RNF126: variants seen among roughly 807,000 people sequenced by gnomAD.
RNF126 encodes the protein E3 ubiquitin-protein ligase RNF126.
In RNF126, 20 loss-of-function variants were observed where a neutral mutation model predicts 41.9. That is an observed-to-expected ratio of 0.48 (90% CI 0.34 to 0.69). RNF126 has a LOEUF of 0.69. Ranked by LOEUF, RNF126 falls within the 30% of genes least tolerant of loss-of-function variation. The pLI is 0.01. For synonymous variants in RNF126, 239 were observed against 202.9 expected, an observed-to-expected ratio of 1.18 and a Z score of -1.51; for missense variants, 433 against 460.6, an observed-to-expected ratio of 0.94 and a Z score of 0.55.
chr19:655,158 T>C lies in RNF126; in HGVS notation c.76-2274A>G, dbSNP rs527823171. Among the ~76,000 whole-genome samples the C allele has an allele frequency of 4.0e-5, 6 of 151,698 alleles. No homozygotes were observed. In the East Asian group the frequency reaches 1.2e-3, roughly 29 times the overall value. On this transcript the variant is annotated intron_variant, in intron 1 of 8. Transcript: ENST00000292363. ...AACCCCATTTCTACAAAAAACAAAT[T>C]AGCTGGGTATGCTGGGGTGGGTCTG...
In RNF126 at chr19:651,601, G is replaced by A. The variant is rs2144760170; in HGVS notation, c.443+10C>T. 1.4e-6 allele frequency: 2 copies of A among 1,408,542 alleles called. No homozygotes were observed. Among genetic ancestry groups the A allele is most frequent in the East Asian group, 2.8e-5 (1 of 35,856 alleles). The allele number at this position is 1,408,542 out of a possible 1,614,324, so 87.3% of individuals were successfully genotyped here. A position where few individuals can be genotyped will look rare whatever the true frequency, so the allele number is the denominator to read the frequency against. ...TGGGGCCCTCGCGGCCACCCCCGGG[G>A]CCCCCTCACCCTTCCAGCGTGGGGA... On this transcript the variant is annotated intron_variant, in intron 4 of 8. Coordinates refer to ENST00000292363, the MANE Select transcript of RNF126 (RefSeq NM_194460.3).
At chr19:649,465 G>A (rs553724542) in intron 6 of RNF126, 17 of 571,686 alleles carry the variant, frequency 3.0e-5, no homozygotes, top group South Asian at 1.5e-4. Flanking sequence ...ACAACGTTCC[G>A]CGTGAACACA....
chr19:651,409 C>T (rs1391207325), intron 4 of RNF126: 1 of 467,352 alleles, frequency 2.1e-6, no homozygotes, highest in African/African-American at 2.1e-5. Flanking sequence ...TGTGGTCAAC[C>T]CACACACCCT....
chr19:649,272 T>C (rs1227101234), intron 6 of RNF126: 1 of 286,790 alleles, frequency 3.5e-6, no homozygotes, highest in East Asian at 5.7e-5. Context: ...GGGGGGGCCG[T>C]GCTCCGGCTG....
Position 651,445 on chromosome 19 carries a change from G to GGGC in RNF126, c.443+163_443+165dup, listed in dbSNP as rs939722506. On this transcript the variant is annotated intron_variant, in intron 4 of 8. Transcript: ENST00000292363. ...GAACCGGCATACTTCTGTCTCCGAA[G>GGGC]GGCCGTGTGGGGAGTCACAGGGGGC... The GGGC allele has an allele frequency of 3.8e-5, 22 of 580,438 alleles. No individual in the cohort carries two copies. In the Admixed American group the frequency reaches 5.7e-4, roughly 15 times the overall value. The allele number at this position is 580,438 out of a possible 1,614,324, so 36.0% of individuals were successfully genotyped here.
intron 1 of RNF126, among the ~76,000 whole-genome samples, chr19:662,263 TCCC>T (rs2030837145): frequency 6.6e-6 from 1 of 151,924 alleles, no homozygotes; most frequent in Non-Finnish European, 1.5e-5. Flanking sequence ...TGCTCCCACC[TCCC>T]CCAAGGTGAC....
At chr19:649,964 C>T (rs1169545608) in intron 5 of RNF126, among the ~76,000 whole-genome samples, 1 of 145,992 alleles carries the variant, frequency 6.8e-6, no homozygotes. Context: ...TCACCAGGGA[C>T]CCTGGCTGGG....
chr19:648,829 C>T (rs556256084), intron 7 of RNF126, 53 bp downstream of exon 7: 288 of 1,064,128 alleles, frequency 2.7e-4, no homozygotes, highest in Middle Eastern at 1.2e-3. Flanking sequence ...ATGAGCCAGG[C>T]GTGGCGGCGG....
chr19:648,303 G>A, intron 8 of RNF126, 26 bp from the exon 9 acceptor site: 1 of 1,546,474 alleles, frequency 6.5e-7, no homozygotes, highest in South Asian at 1.2e-5. Flanking sequence ...GGCAGGGACG[G>A]GAGAAGGGGC....
chr19:655,253 C>G (rs1241335216), intron 1 of RNF126, among the ~76,000 whole-genome samples: 1 of 151,650 alleles, frequency 6.6e-6, no homozygotes, highest in Admixed American at 6.6e-5. Context: ...TGGCTTGAGT[C>G]CAGGAGATCG....
chr19:647,656 C>T lies in RNF126; in HGVS notation c.*472G>A, dbSNP rs539922156. 57 of 200,028 alleles carry T rather than the reference C, an allele frequency of 2.8e-4. No individual in the cohort carries two copies. The highest frequency in any genetic ancestry group is 1.1e-3 in the Admixed American group (21 of 18,660). 12.4% of individuals were successfully genotyped at this position (200,028 alleles called of 1,614,324 possible). On this transcript the variant is annotated 3_prime_UTR_variant, in exon 9 of 9. Transcript: ENST00000292363. Reference sequence around the variant, plus strand: ...CTCATGGTCCCGAGCCCCCCTACTCCGGGTCGTGGAGGCGGCCGAGGGGGA... The same window carrying T: ...CTCATGGTCCCGAGCCCCCCTACTCTGGGTCGTGGAGGCGGCCGAGGGGGA...
chr19:649,495 C>T (rs993428571), intron 6 of RNF126, 184 bp downstream of exon 6: 2 of 589,640 alleles, frequency 3.4e-6, no homozygotes, highest in African/African-American at 3.7e-5. Flanking sequence ...CCAAAGTTGC[C>T]AAGACTCAGA....
chr19:652,442 G>A (rs878986127), intron 2 of RNF126, 146 bp from the exon 3 acceptor site: 17 of 718,638 alleles, frequency 2.4e-5, no homozygotes, highest in South Asian at 7.0e-5. Flanking sequence ...ATTTGGTGCC[G>A]TAACCCGCTG....
rs903052968 is a variant in RNF126, at chr19:658,878, C to T, written c.75+4169G>A. Among the ~76,000 whole-genome samples the T allele has an allele frequency of 4.6e-5, 7 of 152,204 alleles. No homozygotes were observed. In the South Asian group the frequency reaches 8.3e-4, roughly 18 times the overall value. ...CCAGTGCCAGGGGTGCTACGGCTCG[C>T]CCGAGGCTCAGAGGAAGGTCCTCAT... On this transcript the variant is annotated intron_variant, in intron 1 of 8. Coordinates refer to ENST00000292363, the MANE Select transcript of RNF126 (RefSeq NM_194460.3).
chr19:650,125 C>A lies in RNF126; in HGVS notation c.506+109G>T, dbSNP rs1246677684. On this transcript the variant is annotated intron_variant, in intron 5 of 8. Coordinates refer to ENST00000292363, the MANE Select transcript of RNF126 (RefSeq NM_194460.3). ...GGCCCAGGCTGGGGATGGGGACAGGCACCCCCTCCTACTCACCAGGGACCC... is the reference window on the plus strand; with the variant it reads ...GGCCCAGGCTGGGGATGGGGACAGGAACCCCCTCCTACTCACCAGGGACCC... 4.5e-6 allele frequency: 4 copies of A among 891,504 alleles called. No homozygotes were observed. The African/African-American group carries it at 6.1e-5, about 14-fold the overall frequency. The allele number at this position is 891,504 out of a possible 1,614,324, so 55.2% of individuals were successfully genotyped here. A position where few individuals can be genotyped will look rare whatever the true frequency, so the allele number is the denominator to read the frequency against.
rs190938917 is a variant in RNF126 at position 652,353 on chromosome 19, C to T, written c.135-57G>A. On this transcript the variant is annotated intron_variant, in intron 2 of 8. Coordinates refer to ENST00000292363, the MANE Select transcript of RNF126 (RefSeq NM_194460.3). ...CTACCCTGTGCCCCCATGCGCCAGG[C>T]GCTCCCTCCCCTCAAAAGCCTATGT... is the stretch of plus-strand genomic sequence containing the variant. 5.2e-4 allele frequency: 724 copies of T among 1,403,338 alleles called. 4 individuals are homozygous for T. The highest frequency in any genetic ancestry group is 2.5e-3 in the Middle Eastern group (14 of 5,600). 86.9% of individuals were successfully genotyped at this position (1,403,338 alleles called of 1,614,324 possible).
chr19:660,680 AGT>A (rs1247274520), intron 1 of RNF126, among the ~76,000 whole-genome samples: 1 of 152,074 alleles, frequency 6.6e-6, no homozygotes, highest in African/African-American at 2.4e-5. Context: ...CCCAGGCTGG[AGT>A]GCACTGGCAC....
In RNF126 at chr19:655,327, A is replaced by G. The variant is rs112971888; in HGVS notation, c.76-2443T>C. Among the ~76,000 whole-genome samples, 171 of 149,568 alleles carry G rather than the reference A, an allele frequency of 1.1e-3. 1 individual carries two copies. The highest frequency in any genetic ancestry group is 3.9e-3 in the African/African-American group (160 of 40,932). ...TGGGTGACAGAACCAGACCCTGCCA[A>G]AAAAAAAAAGAAAAAGAGAAACAGA... On this transcript the variant is annotated intron_variant, in intron 1 of 8. Coordinates refer to ENST00000292363, the MANE Select transcript of RNF126 (RefSeq NM_194460.3).
In RNF126 at chr19:648,012, G is replaced by A. The variant is rs1257917697; in HGVS notation, c.*116C>T. ...TCCTGCCCTGGAACAGGCGGGACCT[G>A]CAGCGCTGACCAGCCAAGCGTGGCG... is the stretch of plus-strand genomic sequence containing the variant. On this transcript the variant is annotated 3_prime_UTR_variant, in exon 9 of 9. Coordinates refer to ENST00000292363, the MANE Select transcript of RNF126 (RefSeq NM_194460.3). The A allele has an allele frequency of 1.6e-6, 2 of 1,250,790 alleles. No homozygotes were observed. The highest frequency in any genetic ancestry group is 1.6e-5 in the South Asian group (1 of 64,468). 77.5% of individuals were successfully genotyped at this position (1,250,790 alleles called of 1,614,324 possible).
Sources: gnomAD v4.1 joint callset for allele counts (sites outside exome capture counted in the v4.1 genomes callset) on GRCh38, gnomAD v4.1.1 for gene constraint, MANE v1.5 for transcripts, NCBI Gene and HGNC (gene_info 2026-07-23, HGNC 2026-07-21) for gene names.